GAPVD1: variants seen among roughly 807,000 people sequenced by gnomAD.
GAPVD1 encodes the protein GTPase-activating protein and VPS9 domain-containing protein 1.
Under a neutral mutation model 155.5 loss-of-function variants are expected in GAPVD1, and 35 were observed. The observed-to-expected ratio is 0.23, with a 90% CI of 0.17 to 0.30. The LOEUF is 0.30. Ranked by LOEUF, GAPVD1 falls within the 10% of genes least tolerant of loss-of-function variation. GAPVD1 has a pLI of 1.00. For synonymous variants in GAPVD1, 636 were observed against 619.7 expected, an observed-to-expected ratio of 1.03 and a Z score of -0.39; for missense variants, 1,429 against 1,775.7, an observed-to-expected ratio of 0.80 and a Z score of 3.51.
intron 17 of GAPVD1, among the ~76,000 whole-genome samples, chr9:125,337,827 G>T (rs867235852): frequency 4.6e-5 from 7 of 152,194 alleles, no homozygotes; most frequent in Admixed American, 1.3e-4. Context: ...AAGCAATTTT[G>T]TATCTGATTT....
At chr9:125,338,251 C>A (rs888091655) in intron 17 of GAPVD1, among the ~76,000 whole-genome samples, 10 of 152,176 alleles carry the variant, frequency 6.6e-5, no homozygotes, top group Non-Finnish European at 1.3e-4. Flanking sequence ...ACTCCCTCCC[C>A]ATTTGTGAGC....
intron 6 of GAPVD1, among the ~76,000 whole-genome samples, chr9:125,305,945 G>A (rs573172698): frequency 6.6e-6 from 1 of 152,178 alleles, no homozygotes; most frequent in East Asian, 1.9e-4. Context: ...CAGCCACCAT[G>A]CCTGGTCGAT....
intron 17 of GAPVD1, among the ~76,000 whole-genome samples, chr9:125,340,496 G>A (rs948056182): frequency 6.6e-6 from 1 of 152,062 alleles, no homozygotes; most frequent in Admixed American, 6.6e-5. Context: ...AAAAAAGGCC[G>A]AATATAGGAC....
intron 25 of GAPVD1, 150 bp from the exon 26 acceptor site, chr9:125,359,270 A>C: frequency 1.6e-6 from 1 of 637,654 alleles, no homozygotes; most frequent in South Asian, 1.8e-5. Context: ...ATACTTATCT[A>C]AGAGGCTCAA....
chr9:125,362,795 A>G lies in GAPVD1; in HGVS notation c.*49A>G, dbSNP rs1040092573. On this transcript the variant is annotated 3_prime_UTR_variant, in exon 28 of 28. Coordinates refer to ENST00000297933, the MANE Select transcript of GAPVD1 (RefSeq NM_001282680.3). ...AGCAGACTGTTAATCAGACAAACAG[A>G]TCTCTGAGAAGGTGCATCAGCTGCT... 2.5e-6 allele frequency: 4 copies of G among 1,572,286 alleles called. No homozygotes were observed. The African/African-American group carries it at 5.4e-5, about 21-fold the overall frequency.
In GAPVD1 at chr9:125,360,539, A is replaced by G; in HGVS notation, c.4056A>G (p.Arg1352=). 4 of 1,613,954 alleles carry G rather than the reference A, an allele frequency of 2.5e-6. No individual in the cohort carries two copies. Among genetic ancestry groups the G allele is most frequent in the Non-Finnish European group, 3.4e-6 (4 of 1,179,844 alleles). ...RALQIPEVYL[R]EAPWPSAQSE... ...ATGGTCTCACTTAGGTTTATCTTCG[A>G]GAAGCACCATGGCCATCTGCACAAT... Residue 1352 remains arginine, a synonymous_variant, in exon 27 of 28, where the codon CGA becomes CGG. Transcript: ENST00000297933.
intron 13 of GAPVD1, 89 bp from the exon 14 acceptor site, chr9:125,331,837 G>C: frequency 1.7e-6 from 2 of 1,160,212 alleles, no homozygotes; most frequent in Non-Finnish European, 2.6e-6. Context: ...TTCATGCCCT[G>C]GTAGCTTTGT....
chr9:125,277,521 A>G (rs1564269264), intron 2 of GAPVD1, among the ~76,000 whole-genome samples: 1 of 152,112 alleles, frequency 6.6e-6, no homozygotes, highest in East Asian at 1.9e-4. Flanking sequence ...TCCCTAATAT[A>G]TTGTGTATCC....
At chr9:125,274,263 C>T (rs140197296) in intron 2 of GAPVD1, among the ~76,000 whole-genome samples, 26 of 151,998 alleles carry the variant, frequency 1.7e-4, no homozygotes, top group South Asian at 6.2e-4. Context: ...AGTGATCTGC[C>T]GGCCTCGGCC....
At chr9:125,272,700 G>A (rs1835116633) in intron 2 of GAPVD1, among the ~76,000 whole-genome samples, 1 of 152,140 alleles carries the variant, frequency 6.6e-6, no homozygotes, top group African/African-American at 2.4e-5. Context: ...TTGTTGACTA[G>A]GAGGTTTCTT....
intron 2 of GAPVD1, among the ~76,000 whole-genome samples, chr9:125,286,737 A>G (rs1050408621): frequency 6.6e-6 from 1 of 152,114 alleles, no homozygotes; most frequent in Non-Finnish European, 1.5e-5. Context: ...ACACGGAAAG[A>G]CAGGATATAG....
chr9:125,276,273 T>C lies in GAPVD1; in HGVS notation c.-150+7289T>C, dbSNP rs144454803. 5.3e-3 allele frequency among the ~76,000 whole-genome samples: 810 copies of C among 152,322 alleles called. 6 individuals carry two copies. The highest frequency in any genetic ancestry group is 7.5e-3 in the Admixed American group (114 of 15,268). ...CTCTTGCTTCAAATATACCAACTAT[T>C]CTGTAGGCCAGAGTTCAAAACAAAA... On this transcript the variant is annotated intron_variant, in intron 2 of 27. Transcript: ENST00000297933.
intron 15 of GAPVD1, among the ~76,000 whole-genome samples, chr9:125,333,740 G>A (rs1252631888): frequency 2.0e-5 from 3 of 151,972 alleles, no homozygotes; most frequent in African/African-American, 4.8e-5. Flanking sequence ...TGCCCGCCTC[G>A]GCCTCCCAAA....
intron 9 of GAPVD1, 57 bp downstream of exon 9, chr9:125,312,669 T>C (rs1220347714): frequency 2.3e-6 from 3 of 1,322,482 alleles, no homozygotes; most frequent in African/African-American, 3.0e-5. Context: ...TACAGGCTGC[T>C]GTAACAAAAC....
In GAPVD1 at chr9:125,364,978, CTG is replaced by C. The variant is rs1204418774; in HGVS notation, c.*2235_*2236del. ...TTGCTAAGTCTATTCCATGTTAACA[CTG>C]TGGAAATAAATATGAAGATGTGGAC... On this transcript the variant is annotated 3_prime_UTR_variant, in exon 28 of 28. Coordinates refer to ENST00000297933, the MANE Select transcript of GAPVD1 (RefSeq NM_001282680.3). 1 of 152,370 alleles carries C rather than the reference CTG, an allele frequency of 6.6e-6. No individual in the cohort carries two copies. The highest frequency in any genetic ancestry group is 1.5e-5 in the Non-Finnish European group (1 of 68,020). The allele number at this position is 152,370 out of a possible 1,614,324, so 9.4% of individuals were successfully genotyped here. A position where few individuals can be genotyped will look rare whatever the true frequency, so the allele number is the denominator to read the frequency against.
chr9:125,285,482 G>A (rs1242406248), intron 2 of GAPVD1, among the ~76,000 whole-genome samples: 2 of 109,768 alleles, frequency 1.8e-5, no homozygotes, highest in African/African-American at 3.7e-5. Flanking sequence ...TTTTGAGGTA[G>A]AGTCTTCCTC....
intron 2 of GAPVD1, among the ~76,000 whole-genome samples, chr9:125,294,379 G>A (rs1288722391): frequency 7.2e-6 from 1 of 138,490 alleles, no homozygotes; most frequent in Non-Finnish European, 1.5e-5. Context: ...ACGGAATCTC[G>A]CTCTGTCGCC....
chr9:125,267,147 T>C (rs1476718426), intron 1 of GAPVD1, among the ~76,000 whole-genome samples: 1 of 152,228 alleles, frequency 6.6e-6, no homozygotes, highest in African/African-American at 2.4e-5. Context: ...TCAGTAAACA[T>C]TCATATACCC....
intron 16 of GAPVD1, 44 bp downstream of exon 16, chr9:125,337,139 A>G: frequency 5.0e-6 from 8 of 1,595,054 alleles, no homozygotes; most frequent in Non-Finnish European, 6.0e-6. Context: ...CACAGACAGG[A>G]GGAGGAAACC....
Sources: allele counts gnomAD v4.1 joint callset (sites outside exome capture counted in the v4.1 genomes callset), GRCh38; gene constraint gnomAD v4.1.1; transcripts MANE v1.5; gene names NCBI Gene and HGNC (gene_info 2026-07-23, HGNC 2026-07-21).